The following GPBP1 variants were observed in gnomAD, a reference collection of about 807,000 sequenced individuals.
GPBP1 encodes vasculin.
Under a neutral mutation model 56.5 loss-of-function variants are expected in GPBP1, and 13 were observed. The ratio of observed to expected loss-of-function variants is 0.23; its 90% CI spans 0.15 to 0.37. The LOEUF is 0.37. Ranked by LOEUF, GPBP1 falls within the 10% of genes least tolerant of loss-of-function variation. GPBP1 has a pLI of 1.00. For synonymous variants in GPBP1, 204 were observed against 188.9 expected, an observed-to-expected ratio of 1.08 and a Z score of -0.66; for missense variants, 477 against 572.3, an observed-to-expected ratio of 0.83 and a Z score of 1.70.
rs760452526 is a variant in GPBP1 at position 57,262,746 on chromosome 5, T to C, written c.1416T>C (p.Asp472=). ...GCAGTGATACATCAGATGACGACGA[T>C]GTGTGAAGGATTTCCTAACAGCTTT... ...TSSSDTSDDD[D]V Residue 472 remains aspartate, a synonymous_variant, in exon 12 of 12, where the codon GAT becomes GAC. Transcript: ENST00000506184. 7 of 1,612,700 alleles carry C rather than the reference T, an allele frequency of 4.3e-6. 1 individual carries two copies. Among genetic ancestry groups the C allele is most frequent in the South Asian group, 1.1e-5 (1 of 90,920 alleles).
intron 3 of GPBP1, 29 bp from the exon 4 acceptor site, chr5:57,230,817 A>T: frequency 6.4e-7 from 1 of 1,573,656 alleles, no homozygotes; most frequent in African/African-American, 1.4e-5. Context: ...AGGTTTCATA[A>T]ATACCTGTAT....
chr5:57,188,635 C>G (rs138381948), intron 2 of GPBP1, among the ~76,000 whole-genome samples: 1 of 151,916 alleles, frequency 6.6e-6, no homozygotes, highest in Non-Finnish European at 1.5e-5. Flanking sequence ...CCCAGCTACT[C>G]GGGAGGCTGA....
chr5:57,204,848 G>A (rs1321962051), intron 2 of GPBP1, among the ~76,000 whole-genome samples: 1 of 152,068 alleles, frequency 6.6e-6, no homozygotes, highest in African/African-American at 2.4e-5. Context: ...AGAAATTATA[G>A]AATAACCTGT....
chr5:57,212,476 T>C (rs1170967225), intron 2 of GPBP1, among the ~76,000 whole-genome samples: 2 of 152,126 alleles, frequency 1.3e-5, no homozygotes, highest in Non-Finnish European at 2.9e-5. Flanking sequence ...TGGTTAGACA[T>C]AGTCTTAAAA....
At chr5:57,194,194 T>G (rs1032560061) in intron 2 of GPBP1, among the ~76,000 whole-genome samples, 3 of 152,220 alleles carry the variant, frequency 2.0e-5, no homozygotes, top group Non-Finnish European at 4.4e-5. Flanking sequence ...TTGTTTTTGT[T>G]TCTTTTTTGC....
intron 2 of GPBP1, among the ~76,000 whole-genome samples, chr5:57,180,645 C>T (rs1166104999): frequency 6.6e-6 from 1 of 152,116 alleles, no homozygotes; most frequent in African/African-American, 2.4e-5. Flanking sequence ...GTATGTTCAC[C>T]TAACTTTTTT....
At chr5:57,220,144 T>C (rs1755892295) in intron 3 of GPBP1, among the ~76,000 whole-genome samples, 1 of 151,802 alleles carries the variant, frequency 6.6e-6, no homozygotes, top group Non-Finnish European at 1.5e-5. Context: ...GAAGTTAAGA[T>C]TGGTAATTTA....
Position 57,198,877 on chromosome 5 carries a change from G to GT in GPBP1, c.-57-15190dup, listed in dbSNP as rs150035325. Among the ~76,000 whole-genome samples, 1,037 of 152,048 alleles carry GT rather than the reference G, an allele frequency of 6.8e-3. 17 individuals are homozygous for GT. Among genetic ancestry groups the GT allele is most frequent in the African/African-American group, 0.024 (991 of 41,480 alleles). ...TTCAGTGTCATTTGCTTCACATTTT[G>GT]TTTTTTTCCAGTTATGAATATATTG... On this transcript the variant is annotated intron_variant, in intron 2 of 11. Coordinates refer to ENST00000506184, the MANE Select transcript of GPBP1 (RefSeq NM_022913.4).
chr5:57,208,288 C>T (rs1755322720), intron 2 of GPBP1, among the ~76,000 whole-genome samples: 4 of 152,126 alleles, frequency 2.6e-5, no homozygotes, highest in Admixed American at 2.0e-4. Context: ...GGCTGGAGTG[C>T]AGTGGTGTGA....
At chr5:57,192,338 A>G (rs2545012) in intron 2 of GPBP1, among the ~76,000 whole-genome samples, 34,221 of 151,970 alleles carry the variant, frequency 0.23, 4,857 homozygotes, top group Middle Eastern at 0.33. Flanking sequence ...CTGTTTGGGG[A>G]TAGCGCTAGA....
chr5:57,246,626 T>C (rs1741103440), intron 7 of GPBP1, 142 bp downstream of exon 7: 3 of 596,226 alleles, frequency 5.0e-6, no homozygotes, highest in East Asian at 2.8e-5. Flanking sequence ...TTGACCCATA[T>C]GTGCTCTTAA....
intron 2 of GPBP1, among the ~76,000 whole-genome samples, chr5:57,200,015 G>C (rs1225797160): frequency 2.7e-5 from 3 of 110,852 alleles, no homozygotes; most frequent in Admixed American, 1.1e-4. Context: ...GCCCTTACTT[G>C]AAAATCTTTT....
intron 2 of GPBP1, among the ~76,000 whole-genome samples, chr5:57,180,806 A>G (rs1466278971): frequency 6.6e-6 from 1 of 152,058 alleles, no homozygotes; most frequent in African/African-American, 2.4e-5. Flanking sequence ...CAATGGCACA[A>G]TCTCAGTTCA....
chr5:57,198,574 C>T (rs553988144), intron 2 of GPBP1, among the ~76,000 whole-genome samples: 9 of 152,042 alleles, frequency 5.9e-5, no homozygotes, highest in South Asian at 2.1e-4. Flanking sequence ...TTTATTAGGC[C>T]GGGCGCAGTC....
At position 57,264,203 on chromosome 5, in the gene GPBP1, T is replaced by C. The variant is rs1268894351; in HGVS notation, c.*1451T>C. 6.6e-6 allele frequency: 1 copy of C among 152,120 alleles called. No homozygotes were observed. Among genetic ancestry groups the C allele is most frequent in the African/African-American group, 2.4e-5 (1 of 41,444 alleles). 9.4% of individuals were successfully genotyped at this position (152,120 alleles called of 1,614,324 possible). On this transcript the variant is annotated 3_prime_UTR_variant, in exon 12 of 12. Transcript: ENST00000506184. ...ACTCCCACAAAACTTGAGGAAGAGTTAGAATGGTAATAAAATATTAAATAG... is the reference window on the plus strand; with the variant it reads ...ACTCCCACAAAACTTGAGGAAGAGTCAGAATGGTAATAAAATATTAAATAG...
At chr5:57,251,185 G>T (rs766856518) in intron 10 of GPBP1, 44 bp downstream of exon 10, 1 of 1,470,002 alleles carries the variant, frequency 6.8e-7, no homozygotes, top group Admixed American at 2.2e-5. Flanking sequence ...TTCTGTATTC[G>T]AGATTTCAAT....
In GPBP1 at chr5:57,218,164, C is replaced by T. The variant is rs542656074; in HGVS notation, c.63+3971C>T. 8.5e-5 allele frequency among the ~76,000 whole-genome samples: 13 copies of T among 152,310 alleles called. No homozygotes were observed. The East Asian group carries it at 2.5e-3, about 29-fold the overall frequency. Reference sequence around the variant, plus strand: ...GGATTCTCCCCCTCAAAGCAGTTCTCCAGCAGACACTACCTGGGTATCCTA... The same window carrying T: ...GGATTCTCCCCCTCAAAGCAGTTCTTCAGCAGACACTACCTGGGTATCCTA... On this transcript the variant is annotated intron_variant, in intron 3 of 11. Coordinates refer to ENST00000506184, the MANE Select transcript of GPBP1 (RefSeq NM_022913.4).
At chr5:57,240,930 C>T (rs1341156222) in intron 6 of GPBP1, among the ~76,000 whole-genome samples, 1 of 148,092 alleles carries the variant, frequency 6.8e-6, no homozygotes, top group African/African-American at 2.5e-5. Flanking sequence ...CCAGCCTGGG[C>T]AACAAGAGCG....
intron 3 of GPBP1, among the ~76,000 whole-genome samples, chr5:57,217,292 C>G (rs1167506038): frequency 2.0e-5 from 3 of 151,848 alleles, no homozygotes; most frequent in Non-Finnish European, 4.4e-5. Context: ...ACAACTACTG[C>G]CTGGGTGCGG....
Sources: gnomAD v4.1 joint callset for allele counts (sites outside exome capture counted in the v4.1 genomes callset) on GRCh38, gnomAD v4.1.1 for gene constraint, MANE v1.5 for transcripts, NCBI Gene and HGNC (gene_info 2026-07-23, HGNC 2026-07-21) for gene names.